ZNF404: variants seen among roughly 807,000 people sequenced by gnomAD.
ZNF404 encodes the protein zinc finger protein 404.
Under a neutral mutation model 7.3 loss-of-function variants are expected in ZNF404, and 7 were observed. The ratio of observed to expected loss-of-function variants is 0.95; its 90% CI spans 0.54 to 1.79. The LOEUF (loss-of-function observed/expected upper bound fraction) is 1.79, where lower values mean the gene tolerates loss of function less well. Ranked by LOEUF, ZNF404 falls within the 40% of genes most tolerant of loss-of-function variation. The pLI is 0.00. For synonymous variants in ZNF404, 191 were observed against 209.9 expected (o/e 0.91, Z 0.78); for missense variants, 560 against 661.5 (o/e 0.85, Z 1.68).
At position 43,872,974 on chromosome 19, in the gene ZNF404, T is replaced by G; in HGVS notation, c.1240A>C (p.Lys414Gln). The change falls in exon 3 of 3, where the codon AAG (lysine) becomes CAG (glutamine). Residue 414 changes from lysine (K) to glutamine (Q), a missense_variant. Physicochemically the swap from Lys to Gln is moderately conservative, Grantham distance 53. Coordinates refer to ENST00000587539, the MANE Select transcript of ZNF404 (RefSeq NM_001033719.3). This position sits in a 1 kb window ranked among gnomAD's most constrained non-coding sequence, Gnocchi z 4.4. ...IHTDLKPYEC[K>Q]QCGKAFSRVG... Reference sequence around the variant, plus strand: ...CGACTGAAGGCTTTCCCACATTGCTTACATTCATATGGCTTCAAATCAGTA... The same window carrying G: ...CGACTGAAGGCTTTCCCACATTGCTGACATTCATATGGCTTCAAATCAGTA... 6.2e-7 allele frequency: 1 copy of G among 1,604,662 alleles called. No individual in the cohort carries two copies. Among genetic ancestry groups the G allele is most frequent in the Non-Finnish European group, 8.5e-7 (1 of 1,174,662 alleles).
intron 2 of ZNF404, among the ~76,000 whole-genome samples, chr19:43,876,111 G>A (rs1165042599): frequency 2.0e-5 from 3 of 152,098 alleles, no homozygotes; most frequent in Admixed American, 1.3e-4. Flanking sequence ...ATTGTTTGAG[G>A]CCAAGAGTTC....
rs755674781 is a variant in ZNF404 at position 43,872,814 on chromosome 19, T to C, written c.1400A>G (p.Tyr467Cys). Residue 467 changes from tyrosine (Y) to cysteine (C), a missense_variant, in exon 3 of 3, where the codon TAT (tyrosine) becomes TGT (cysteine). Physicochemically the swap from Tyr to Cys is radical, Grantham distance 194 (BLOSUM62 -2). Transcript: ENST00000587539. The surrounding 1 kb of genome is among the most constrained non-coding windows in gnomAD (Gnocchi z 4.4). The stretch of plus-strand genomic sequence containing the variant: ...GGCCTTCTTACATTCTTTACATACA[T>C]AGGGTTTCAAACCAGTATGAATTGT... ...HQTIHTGLKPYVCKECKKAFR... is the reference protein window; with the variant it reads ...HQTIHTGLKPCVCKECKKAFR... 3.1e-6 allele frequency: 5 copies of C among 1,610,388 alleles called. No individual in the cohort carries two copies. The highest frequency in any genetic ancestry group is 1.7e-4 in the Middle Eastern group (1 of 6,056).
At chr19:43,877,136 T>A (rs1405484872) in intron 2 of ZNF404, among the ~76,000 whole-genome samples, 2 of 152,226 alleles carry the variant, frequency 1.3e-5, no homozygotes, top group African/African-American at 4.8e-5. Context: ...GTACCATGAT[T>A]ATGTAAGATG....
Position 43,883,958 on chromosome 19 carries a change from G to A in ZNF404, c.7C>T (p.Arg3Trp), listed in dbSNP as rs377285927. MARVPLTFSDVAI... is the reference protein window; with the variant it reads MAWVPLTFSDVAI... ...AAGCAAAAGAGACATCAACTCACCC[G>A]GGCCATGGTTTCAGAAATGCTAGTT... Residue 3 changes from arginine to tryptophan, a missense_variant and splice_region_variant, in exon 1 of 3, where the codon CGG becomes TGG. By Grantham distance (101) the Arg-to-Trp change is moderately radical. Transcript: ENST00000587539. 8.6e-5 allele frequency: 137 copies of A among 1,599,028 alleles called. No homozygotes were observed. The highest frequency in any genetic ancestry group is 6.6e-4 in the Middle Eastern group (4 of 6,082).
chr19:43,879,988 C>T (rs753596690), intron 2 of ZNF404, 22 bp downstream of exon 2: 3 of 1,612,692 alleles, frequency 1.9e-6, no homozygotes, highest in Non-Finnish European at 2.5e-6. Context: ...TATTGTACAT[C>T]ATTTTGTGCA....
At chr19:43,881,748 G>A (rs896909596) in intron 1 of ZNF404, 2 of 152,102 alleles carry the variant, frequency 1.3e-5, no homozygotes, top group African/African-American at 4.8e-5. Flanking sequence ...CCTGAGGTTG[G>A]GAGTTCGAGA....
At position 43,872,731 on chromosome 19, in the gene ZNF404, A is replaced by T. The variant is rs775382585; in HGVS notation, c.1483T>A (p.Tyr495Asn). 2.5e-6 allele frequency: 4 copies of T among 1,613,264 alleles called. No homozygotes were observed. The South Asian group carries it at 4.4e-5, about 18-fold the overall frequency. The change falls in exon 3 of 3, where the codon TAT (tyrosine) becomes AAT (asparagine). Residue 495 changes from tyrosine to asparagine, a missense_variant. Transcript: ENST00000587539. This position sits in a 1 kb window ranked among gnomAD's most constrained non-coding sequence, Gnocchi z 4.4. ...GCCTTATCACATTCTTTACATTCAT[A>T]GGGTTTTTCACCAGTATGAATTCTC... ...HKRIHTGEKPYECKECDKAFN... is the reference protein window; with the variant it reads ...HKRIHTGEKPNECKECDKAFN...
In ZNF404 at chr19:43,873,600, T is replaced by A. The variant is rs1312866205; in HGVS notation, c.614A>T (p.His205Leu). The stretch of plus-strand genomic sequence containing the variant: ...TTTCATACCAGTATGAATTATCTGA[T>A]GCTGAATAAGCTGTGAATAAAACCT... ...AFRFYSQLIQ[H>L]QIIHTGMKPY... is the part of the protein sequence containing the mutation. Residue 205 changes from histidine to leucine, a missense_variant, in exon 3 of 3, where the codon CAT becomes CTT. Transcript: ENST00000587539. The A allele has an allele frequency of 3.7e-6, 6 of 1,613,546 alleles. No individual in the cohort carries two copies. Among genetic ancestry groups the A allele is most frequent in the Non-Finnish European group, 5.1e-6 (6 of 1,179,732 alleles).
At position 43,873,797 on chromosome 19, in the gene ZNF404, G is replaced by A. The variant is rs746551051; in HGVS notation, c.417C>T (p.Gly139=). The change falls in exon 3 of 3, where the codon GGC becomes GGT. Residue 139 remains glycine (G), a synonymous_variant. Coordinates refer to ENST00000587539, the MANE Select transcript of ZNF404 (RefSeq NM_001033719.3). ...KSYECKEYKK[G]FRKYLHLTEH... ...CAGTAAGGTGCAAATATTTTCTAAA[G>A]CCCTTCTTATATTCCTTACACTCAT... The A allele has an allele frequency of 5.0e-5, 80 of 1,588,584 alleles. No individual in the cohort carries two copies. In the East Asian group the frequency reaches 1.8e-3, roughly 35 times the overall value.
chr19:43,872,590 G>A lies in ZNF404; in HGVS notation c.1624C>T (p.Gln542Ter). The A allele has an allele frequency of 1.2e-6, 2 of 1,608,642 alleles. No homozygotes were observed. The highest frequency in any genetic ancestry group is 1.7e-6 in the Non-Finnish European group (2 of 1,177,386). ...FSHCYQLSQH[Q>*]RFHHGERLLM ...AGTCTCTCACCATGGTGAAATCTTT[G>A]ATGTTGACTAAGTTGATAGCAATGA... The change falls in exon 3 of 3, where the codon CAA (glutamine) becomes TAA (stop). Residue 542 changes from glutamine (Q) to a stop codon, truncating the protein, a stop_gained. Coordinates refer to ENST00000587539, the MANE Select transcript of ZNF404 (RefSeq NM_001033719.3). LOFTEE classifies it low-confidence loss of function (END_TRUNC). The surrounding 1 kb of genome is among the most constrained non-coding windows in gnomAD (Gnocchi z 4.4).
intron 2 of ZNF404, among the ~76,000 whole-genome samples, chr19:43,877,855 T>A (rs1461411082): frequency 6.6e-6 from 1 of 151,754 alleles, no homozygotes; most frequent in African/African-American, 2.4e-5. Context: ...GTTCTTGCGA[T>A]GGTTTACTGA....
At position 43,872,734 on chromosome 19, in the gene ZNF404, GT is replaced by G. The variant is rs1437046054; in HGVS notation, c.1479del (p.Lys493AsnfsTer28). ...SQHKRIHTGE[K>X]PYECKECDKA... ...TTATCACATTCTTTACATTCATAGG[GT>G]TTTTCACCAGTATGAATTCTCTTAT... On this transcript the variant is annotated frameshift_variant, in exon 3 of 3. Coordinates refer to ENST00000587539, the MANE Select transcript of ZNF404 (RefSeq NM_001033719.3). LOFTEE classifies it low-confidence loss of function (END_TRUNC). This position sits in a 1 kb window ranked among gnomAD's most constrained non-coding sequence, Gnocchi z 4.4. 1.2e-6 allele frequency: 2 copies of G among 1,613,258 alleles called. No individual in the cohort carries two copies. The highest frequency in any genetic ancestry group is 1.7e-5 in the Admixed American group (1 of 59,816).
At chr19:43,879,270 T>A (rs1030498985) in intron 2 of ZNF404, among the ~76,000 whole-genome samples, 1 of 152,100 alleles carries the variant, frequency 6.6e-6, no homozygotes, top group Admixed American at 6.6e-5. Flanking sequence ...AACCCCTCTT[T>A]AGAAAACAGA....
At chr19:43,881,962 A>G (rs1188696813) in intron 1 of ZNF404, among the ~76,000 whole-genome samples, 1 of 141,206 alleles carries the variant, frequency 7.1e-6, no homozygotes, top group Non-Finnish European at 1.5e-5. Context: ...TGTCTCAAAA[A>G]AAAAAAAAAA....
chr19:43,872,725 A>G lies in ZNF404; in HGVS notation c.1489T>C (p.Cys497Arg), dbSNP rs375673538. ...RIHTGEKPYE[C>R]KECDKAFNRS... ...TTAAAGGCCTTATCACATTCTTTACATTCATAGGGTTTTTCACCAGTATGA... is the reference window on the plus strand; with the variant it reads ...TTAAAGGCCTTATCACATTCTTTACGTTCATAGGGTTTTTCACCAGTATGA... The change falls in exon 3 of 3, where the codon TGT becomes CGT. Residue 497 changes from cysteine (C) to arginine (R), a missense_variant. Cys to Arg is a radical substitution (Grantham distance 180). Transcript: ENST00000587539. The surrounding 1 kb of genome is among the most constrained non-coding windows in gnomAD (Gnocchi z 4.4). The G allele has an allele frequency of 2.9e-5, 46 of 1,613,452 alleles. No individual in the cohort carries two copies. The African/African-American group carries it at 4.7e-4, about 16-fold the overall frequency.
In ZNF404 at chr19:43,873,117, C is replaced by T. The variant is rs1180948052; in HGVS notation, c.1097G>A (p.Arg366Lys). The T allele has an allele frequency of 1.2e-6, 2 of 1,612,990 alleles. No individual in the cohort carries two copies. Among genetic ancestry groups the T allele is most frequent in the Admixed American group, 1.7e-5 (1 of 59,800 alleles). Residue 366 changes from arginine (R) to lysine (K), a missense_variant, in exon 3 of 3, where the codon AGA (arginine) becomes AAA (lysine). Coordinates refer to ENST00000587539, the MANE Select transcript of ZNF404 (RefSeq NM_001033719.3). ...CTGATGCTGTGTAAGTTGAGAGCCTCTACAAAAGGCCTTTCCACAATCCTT... is the reference window on the plus strand; with the variant it reads ...CTGATGCTGTGTAAGTTGAGAGCCTTTACAAAAGGCCTTTCCACAATCCTT... ...DCKDCGKAFC[R>K]GSQLTQHQRI... is the part of the protein sequence containing the mutation.
chr19:43,874,006 G>A lies in ZNF404; in HGVS notation c.208C>T (p.Gln70Ter), dbSNP rs754916132. 1.2e-6 allele frequency: 2 copies of A among 1,607,314 alleles called. No individual in the cohort carries two copies. The highest frequency in any genetic ancestry group is 1.1e-5 in the South Asian group (1 of 89,392). Residue 70 changes from glutamine to a stop codon, truncating the protein, a stop_gained, in exon 3 of 3, where the codon CAG becomes TAG. Coordinates refer to ENST00000587539, the MANE Select transcript of ZNF404 (RefSeq NM_001033719.3). LOFTEE classifies it low-confidence loss of function (END_TRUNC). ...GTTTTATTTCTTTTCCATGTCTCCT[G>A]ATGGTACGCATTTACTTCATAATTT... ...KRNYEVNAYH[Q>*]ETWKRNKTFN...
In ZNF404 at chr19:43,873,764, C is replaced by T; in HGVS notation, c.450G>A (p.Leu150=). 6.3e-7 allele frequency: 1 copy of T among 1,592,656 alleles called. No homozygotes were observed. The change falls in exon 3 of 3, where the codon CTG becomes CTA. Residue 150 remains leucine, a synonymous_variant. Transcript: ENST00000587539. ...FRKYLHLTEH[L]RDHTGVIPYE... ...AGGGTATCACACCAGTATGGTCTCT[C>T]AGATGTTCAGTAAGGTGCAAATATT...
chr19:43,877,852 C>T (rs1392935469), intron 2 of ZNF404, among the ~76,000 whole-genome samples: 1 of 151,260 alleles, frequency 6.6e-6, no homozygotes, highest in Non-Finnish European at 1.5e-5. Context: ...TTTGTTCTTG[C>T]GATGGTTTAC....
Sources: gnomAD v4.1 joint callset for allele counts (sites outside exome capture counted in the v4.1 genomes callset) on GRCh38, gnomAD v4.1.1 for gene constraint, Gnocchi (gnomAD v3.1) non-coding constraint, MANE v1.5 for transcripts, NCBI Gene and HGNC (gene_info 2026-07-23, HGNC 2026-07-21) for gene names.